CADM2: variants seen among roughly 807,000 people sequenced by gnomAD.
CADM2 encodes cell adhesion molecule 2, also known as immunoglobulin superfamily member 4D.
A neutral mutation model predicts 49.8 loss-of-function variants in CADM2; 12 were observed. That is an observed-to-expected ratio of 0.24 (90% confidence interval 0.15 to 0.39). CADM2 has a LOEUF of 0.39. Among genes scored for constraint, CADM2 ranks in the 10% least tolerant of loss-of-function variants. The pLI is 1.00. For missense variants in CADM2, 378 were observed against 492.3 expected (o/e 0.77, Z 2.20); for synonymous variants, 214 against 175.4 (o/e 1.22, Z -1.74).
At chr3:85,207,070 G>A (rs985656290) in intron 1 of CADM2, among the ~76,000 whole-genome samples, 1 of 151,776 alleles carries the variant, frequency 6.6e-6, no homozygotes, top group Non-Finnish European at 1.5e-5. Context: ...GTGTGTGTGT[G>A]TGTGTGTGTG....
intron 1 of CADM2, among the ~76,000 whole-genome samples, chr3:85,241,658 A>G (rs1322120690): frequency 1.3e-5 from 2 of 151,604 alleles, no homozygotes. Context: ...TAGTAGATAC[A>G]TTTATTCTTT....
At chr3:85,437,220 G>A (rs933330219) in intron 1 of CADM2, among the ~76,000 whole-genome samples, 8 of 151,956 alleles carry the variant, frequency 5.3e-5, no homozygotes, top group African/African-American at 2.4e-5. Context: ...TCATTATCTG[G>A]CTATATCACA....
intron 1 of CADM2, among the ~76,000 whole-genome samples, chr3:85,628,480 G>C (rs1325992298): frequency 2.0e-5 from 3 of 149,180 alleles, no homozygotes; most frequent in South Asian, 2.1e-4. Context: ...GATTTTTATA[G>C]TCTCTCATTT....
chr3:85,899,743 C>A (rs1715841818), intron 5 of CADM2, among the ~76,000 whole-genome samples: 2 of 152,072 alleles, frequency 1.3e-5, no homozygotes, highest in Non-Finnish European at 1.5e-5. Context: ...GTATCCAGTG[C>A]CCTCAATTGT....
At position 85,170,440 on chromosome 3, in the gene CADM2, G is replaced by A. The variant is rs1198077519; in HGVS notation, c.61+210772G>A. On this transcript the variant is annotated intron_variant, in intron 1 of 9. Transcript: ENST00000383699. The stretch of plus-strand genomic sequence containing the variant: ...TGCAACTTCCGCCTCCCAGGTTTTC[G>A]CGATTCTTCTGCCTCAATCTCCTGA... Among the ~76,000 whole-genome samples the A allele has an allele frequency of 3.3e-5, 5 of 150,712 alleles. No homozygotes were observed. The East Asian group carries it at 9.8e-4, about 29-fold the overall frequency.
At chr3:85,033,616 G>A (rs915324974) in intron 1 of CADM2, among the ~76,000 whole-genome samples, 1 of 152,138 alleles carries the variant, frequency 6.6e-6, no homozygotes, top group Non-Finnish European at 1.5e-5. Context: ...TAAAATGATA[G>A]GGAAGAAATG....
chr3:85,810,394 A>G (rs756485470), intron 3 of CADM2, among the ~76,000 whole-genome samples: 19 of 152,158 alleles, frequency 1.2e-4, no homozygotes, highest in Admixed American at 3.3e-4. Flanking sequence ...AGATTTCTAC[A>G]TACCCAATTT....
intron 1 of CADM2, among the ~76,000 whole-genome samples, chr3:85,078,744 T>C (rs2037047387): frequency 6.6e-6 from 1 of 151,714 alleles, no homozygotes; most frequent in African/African-American, 2.4e-5. Context: ...ATATAGCCGG[T>C]AACCCCATTG....
At chr3:85,055,173 G>A (rs892493189) in intron 1 of CADM2, among the ~76,000 whole-genome samples, 1 of 151,872 alleles carries the variant, frequency 6.6e-6, no homozygotes, top group Non-Finnish European at 1.5e-5. Flanking sequence ...AAGGCAAGCA[G>A]AGCTAGCTAT....
intron 1 of CADM2, among the ~76,000 whole-genome samples, chr3:85,245,623 C>T (rs536971897): frequency 6.6e-6 from 1 of 152,220 alleles, no homozygotes; most frequent in South Asian, 2.1e-4. Flanking sequence ...AGGTGGTCTC[C>T]TGTGGAATTG....
chr3:85,853,447 T>C (rs994112684), intron 3 of CADM2, among the ~76,000 whole-genome samples: 4 of 152,086 alleles, frequency 2.6e-5, no homozygotes, highest in Admixed American at 6.6e-5. Flanking sequence ...TAAGCAAAGA[T>C]TATGTCAAAG....
intron 1 of CADM2, among the ~76,000 whole-genome samples, chr3:85,392,463 A>G (rs1413927427): frequency 6.6e-6 from 1 of 152,086 alleles, no homozygotes; most frequent in African/African-American, 2.4e-5. Flanking sequence ...TACAAAATAA[A>G]TTTAATTTGT....
chr3:85,626,007 G>T (rs1266144450), intron 1 of CADM2, among the ~76,000 whole-genome samples: 1 of 151,916 alleles, frequency 6.6e-6, no homozygotes, highest in African/African-American at 2.4e-5. Flanking sequence ...AAATCGTAAG[G>T]CAAGTTGATA....
chr3:85,756,911 C>T (rs2069149465), intron 2 of CADM2, among the ~76,000 whole-genome samples: 1 of 152,038 alleles, frequency 6.6e-6, no homozygotes, highest in African/African-American at 2.4e-5. Context: ...ATTGGATCTC[C>T]TGCACAGTAG....
chr3:85,209,527 A>C (rs1159642958), intron 1 of CADM2, among the ~76,000 whole-genome samples: 3 of 152,140 alleles, frequency 2.0e-5, no homozygotes, highest in Non-Finnish European at 4.4e-5. Context: ...GAAGTAATAA[A>C]ATAATTTTAA....
intron 1 of CADM2, among the ~76,000 whole-genome samples, chr3:85,208,967 A>C (rs924377286): frequency 6.6e-6 from 1 of 152,174 alleles, no homozygotes; most frequent in Non-Finnish European, 1.5e-5. Context: ...TATGTCATGA[A>C]TTTTAAAATA....
intron 1 of CADM2, among the ~76,000 whole-genome samples, chr3:85,560,808 G>A (rs1163978245): frequency 1.3e-5 from 2 of 152,068 alleles, no homozygotes; most frequent in Admixed American, 6.6e-5. Flanking sequence ...AATAATTAAA[G>A]TTTAAAACAA....
At chr3:85,334,991 A>G (rs1302327918) in intron 1 of CADM2, among the ~76,000 whole-genome samples, 1 of 151,430 alleles carries the variant, frequency 6.6e-6, no homozygotes, top group Non-Finnish European at 1.5e-5. Context: ...AGGAAAGTAA[A>G]CTAGCTCAAA....
At chr3:85,088,942 T>A (rs987427496) in intron 1 of CADM2, among the ~76,000 whole-genome samples, 1 of 152,080 alleles carries the variant, frequency 6.6e-6, no homozygotes, top group Non-Finnish European at 1.5e-5. Flanking sequence ...TTATCAGATG[T>A]GTTTAGTAGG....
Sources: gnomAD v4.1 joint callset for allele counts (sites outside exome capture counted in the v4.1 genomes callset) on GRCh38, gnomAD v4.1.1 for gene constraint, MANE v1.5 for transcripts, NCBI Gene and HGNC (gene_info 2026-07-23, HGNC 2026-07-21) for gene names.